The following DVL1 variants were observed in gnomAD, a reference collection of about 807,000 sequenced individuals.
The protein encoded by DVL1 is dishevelled segment polarity protein 1.
DVL1 carries 49 observed loss-of-function variants against 65.0 expected under a neutral mutation model. The ratio of observed to expected loss-of-function variants is 0.75; its 90% confidence interval spans 0.60 to 0.96. The LOEUF is 0.96. DVL1 is among the 40% of genes least tolerant of loss of function. The probability of loss-of-function intolerance (pLI) is 0.00; values close to 1 mark genes in which losing one functional copy is unlikely to be tolerated. For missense variants in DVL1, 1,197 were observed against 1,045.4 expected, an observed-to-expected ratio of 1.15 and a Z score of -2.00; for synonymous variants, 608 against 433.9, an observed-to-expected ratio of 1.40 and a Z score of -4.99.
At chr1:1,339,498 G>A (rs955291742) in intron 10 of DVL1, 59 bp from the exon 11 acceptor site, 4 of 1,532,070 alleles carry the variant, frequency 2.6e-6, no homozygotes, top group East Asian at 2.4e-5. Flanking sequence ...GGAGGGCAGG[G>A]TGCAGGGCAC....
chr1:1,337,852 G>T, intron 14 of DVL1, 125 bp downstream of exon 14: 1 of 778,540 alleles, frequency 1.3e-6, no homozygotes, highest in Non-Finnish European at 2.2e-6. Context: ...GAGCAGCAGC[G>T]GGGTGGGGTG....
At chr1:1,343,729 T>C (rs1557672255) in intron 1 of DVL1, among the ~76,000 whole-genome samples, 1 of 151,738 alleles carries the variant, frequency 6.6e-6, no homozygotes, top group Non-Finnish European at 1.5e-5. Flanking sequence ...CGGACGTAGG[T>C]GGGCTGGGAG....
At position 1,338,927 on chromosome 1, in the gene DVL1, G is replaced by A. The variant is rs190525180; in HGVS notation, c.1208-274C>T. The stretch of plus-strand genomic sequence containing the variant: ...GACACCCCACCCTGCAGACCAGGAA[G>A]TAATGAGAACAGGGCAGGCCCCTTC... On this transcript the variant is annotated intron_variant, in intron 11 of 14. Coordinates refer to ENST00000378888, the MANE Select transcript of DVL1 (RefSeq NM_001330311.2). 2.7e-3 allele frequency among the ~76,000 whole-genome samples: 408 copies of A among 152,364 alleles called. 3 individuals carry two copies. The highest frequency in any genetic ancestry group is 9.2e-3 in the African/African-American group (381 of 41,586).
rs761539220 is a variant in DVL1 at position 1,349,082 on chromosome 1, G to A, written c.-17C>T. On this transcript the variant is annotated 5_prime_UTR_variant, in exon 1 of 15. Coordinates refer to ENST00000378888, the MANE Select transcript of DVL1 (RefSeq NM_001330311.2). This position sits in a 1 kb window ranked among gnomAD's most constrained non-coding sequence, Gnocchi z 4.1. Reference sequence around the variant, plus strand: ...CTCCGCCATGGCGCGGCGGCGGCGCGGAGCCCGCGCGCTCAGGGCCCGGCC... The same window carrying A: ...CTCCGCCATGGCGCGGCGGCGGCGCAGAGCCCGCGCGCTCAGGGCCCGGCC... 4.2e-6 allele frequency: 6 copies of A among 1,440,458 alleles called. No individual in the cohort carries two copies. The highest frequency in any genetic ancestry group is 2.3e-5 in the Admixed American group (1 of 44,340). 89.2% of individuals were successfully genotyped at this position (1,440,458 alleles called of 1,614,324 possible).
intron 14 of DVL1, among the ~76,000 whole-genome samples, 178 bp from the exon 15 acceptor site, chr1:1,336,693 C>T (rs1349993228): frequency 6.6e-6 from 1 of 152,156 alleles, no homozygotes; most frequent in Non-Finnish European, 1.5e-5. Context: ...GGGGCAGCTG[C>T]GGCAGGCATG....
intron 3 of DVL1, 40 bp downstream of exon 3, chr1:1,342,323 G>A: frequency 6.5e-7 from 1 of 1,534,052 alleles, no homozygotes; most frequent in Non-Finnish European, 8.8e-7. Context: ...CCCCATGACA[G>A]GCTTGGGGTA....
Position 1,348,948 on chromosome 1 carries a change from G to A in DVL1, c.118C>T (p.Arg40Trp). Reference sequence around the variant, plus strand: ...AAGAATTTGTAGGCGTGCACGGGCCGGTTGCTGAGCACGTTCTTGAAGTCG... The same window carrying A: ...AAGAATTTGTAGGCGTGCACGGGCCAGTTGCTGAGCACGTTCTTGAAGTCG... ...LADFKNVLSN[R>W]PVHAYKFFFK... Residue 40 changes from arginine (R) to tryptophan (W), a missense_variant, in exon 1 of 15, where the codon CGG (arginine) becomes TGG (tryptophan). Transcript: ENST00000378888. The A allele has an allele frequency of 6.4e-6, 10 of 1,574,642 alleles. No individual in the cohort carries two copies. Among genetic ancestry groups the A allele is most frequent in the Non-Finnish European group, 8.6e-6 (10 of 1,157,068 alleles).
Position 1,349,033 on chromosome 1 carries a change from G to T in DVL1, c.33C>A (p.Asp11Glu). MAETKIIYHM[D>E]EEETPYLVKL... ...TGACCAGGTACGGCGTCTCCTCCTC[G>T]TCCATGTGGTAGATAATCTTGGTCT... Residue 11 changes from aspartate (D) to glutamate (E), a missense_variant, in exon 1 of 15, where the codon GAC becomes GAA. Asp to Glu is a conservative substitution (Grantham distance 45, BLOSUM62 2). Coordinates refer to ENST00000378888, the MANE Select transcript of DVL1 (RefSeq NM_001330311.2). This position sits in a 1 kb window ranked among gnomAD's most constrained non-coding sequence, Gnocchi z 4.1. 1 of 1,557,368 alleles carries T rather than the reference G, an allele frequency of 6.4e-7. No individual in the cohort carries two copies. The highest frequency in any genetic ancestry group is 1.8e-5 in the Admixed American group (1 of 56,664).
chr1:1,348,825 C>A, intron 1 of DVL1, 71 bp downstream of exon 1: 1 of 1,353,796 alleles, frequency 7.4e-7, no homozygotes, highest in Non-Finnish European at 9.6e-7. Context: ...GGACCCCCGC[C>A]CCGTCCCCGC....
chr1:1,336,012 GGT>G lies in DVL1; in HGVS notation c.*128_*129del, dbSNP rs1557661247. ...GAGCAGCCAGGCTGCCAGGGCAGATGGTGGTGGTCCAGCCTGCCCCCCACCCT... is the reference window on the plus strand; with the variant it reads ...GAGCAGCCAGGCTGCCAGGGCAGATGGGTGGTCCAGCCTGCCCCCCACCCT... On this transcript the variant is annotated 3_prime_UTR_variant, in exon 15 of 15. Transcript: ENST00000378888. 2.4e-6 allele frequency: 3 copies of G among 1,252,900 alleles called. No homozygotes were observed. The highest frequency in any genetic ancestry group is 3.3e-6 in the Non-Finnish European group (3 of 917,984). The allele number at this position is 1,252,900 out of a possible 1,614,324, so 77.6% of individuals were successfully genotyped here. A position where few individuals can be genotyped will look rare whatever the true frequency, so the allele number is the denominator to read the frequency against.
chr1:1,339,071 C>T (rs1192262707), intron 11 of DVL1, among the ~76,000 whole-genome samples: 2 of 152,216 alleles, frequency 1.3e-5, no homozygotes, highest in East Asian at 1.9e-4. Context: ...AGGGGCCCTA[C>T]GTACATCCCC....
chr1:1,348,055 T>C (rs1373283338), intron 1 of DVL1, among the ~76,000 whole-genome samples: 3 of 152,148 alleles, frequency 2.0e-5, no homozygotes, highest in African/African-American at 7.2e-5. Context: ...GCTCACCTCC[T>C]GGGGCCACGA....
intron 11 of DVL1, 136 bp downstream of exon 11, chr1:1,339,151 T>C: frequency 8.1e-7 from 1 of 1,229,790 alleles, no homozygotes; most frequent in Non-Finnish European, 1.1e-6. Context: ...TGCACACGTC[T>C]GTGCAGGGAG....
At chr1:1,344,690 C>A (rs1004179195) in intron 1 of DVL1, among the ~76,000 whole-genome samples, 1 of 152,204 alleles carries the variant, frequency 6.6e-6, no homozygotes, top group African/African-American at 2.4e-5. Flanking sequence ...AGACCATGAC[C>A]CCATGCCAGG....
At chr1:1,345,956 G>A (rs1007036165) in intron 1 of DVL1, among the ~76,000 whole-genome samples, 6 of 152,136 alleles carry the variant, frequency 3.9e-5, no homozygotes, top group African/African-American at 1.4e-4. Flanking sequence ...GCCGAGTCCT[G>A]GGATCTCTCT....
At chr1:1,347,782 GC>G in intron 1 of DVL1, among the ~76,000 whole-genome samples, 1 of 152,270 alleles carries the variant, frequency 6.6e-6, no homozygotes, top group East Asian at 1.9e-4. Flanking sequence ...GGGCAGGAGG[GC>G]CGCTGAGCCG....
intron 1 of DVL1, among the ~76,000 whole-genome samples, chr1:1,346,705 C>CA (rs1261461458): frequency 5.9e-5 from 9 of 152,364 alleles, no homozygotes; most frequent in African/African-American, 2.2e-4. Context: ...TGCTCTGGAG[C>CA]AGAGGCTGGG....
At chr1:1,341,210 C>A (rs1376584510) in intron 5 of DVL1, among the ~76,000 whole-genome samples, 1 of 150,452 alleles carries the variant, frequency 6.6e-6, no homozygotes, top group Non-Finnish European at 1.5e-5. Flanking sequence ...CACCTGCACA[C>A]ACGCACACGC....
In DVL1 at chr1:1,339,591, C is replaced by T. The variant is rs762199361; in HGVS notation, c.1045G>A (p.Val349Ile). ...CCCGAGGGCCACTCACCCCGTGGGA[C>T]GGTGAAGTAGCTTCGGGGCGTTGGG... ...WDPTPRSYFTVPRADPVRPID... is the reference protein window; with the variant it reads ...WDPTPRSYFTIPRADPVRPID... The change falls in exon 10 of 15, where the codon GTC becomes ATC. Residue 349 changes from valine (V) to isoleucine (I), a missense_variant. By Grantham distance (29) the Val-to-Ile change is conservative. Coordinates refer to ENST00000378888, the MANE Select transcript of DVL1 (RefSeq NM_001330311.2). 14 of 1,606,874 alleles carry T rather than the reference C, an allele frequency of 8.7e-6. No individual in the cohort carries two copies. Among genetic ancestry groups the T allele is most frequent in the East Asian group, 4.5e-5 (2 of 44,656 alleles).
Sources: gnomAD v4.1 joint callset for allele counts (sites outside exome capture counted in the v4.1 genomes callset) on GRCh38, gnomAD v4.1.1 for gene constraint, Gnocchi (gnomAD v3.1) non-coding constraint, MANE v1.5 for transcripts, NCBI Gene and HGNC (gene_info 2026-07-23, HGNC 2026-07-21) for gene names.